The following PIK3C3 variants were observed in gnomAD, a reference collection of about 807,000 sequenced individuals.
PIK3C3 encodes PI3-kinase type 3.
In PIK3C3, 95 loss-of-function variants were observed where a neutral mutation model predicts 126.1. The ratio of observed to expected loss-of-function variants is 0.75; its 90% CI spans 0.64 to 0.89. PIK3C3 has a LOEUF of 0.89. Ranked by LOEUF, PIK3C3 falls within the 40% of genes least tolerant of loss-of-function variation. The pLI, the probability that PIK3C3 is intolerant of heterozygous loss-of-function variation, is 0.00. For missense variants in PIK3C3, 829 were observed against 1,063.2 expected (o/e 0.78, Z 3.06); for synonymous variants, 374 against 360.0 (o/e 1.04, Z -0.44).
At position 42,040,482 on chromosome 18, in the gene PIK3C3, TA is replaced by T. The variant is rs1011072784; in HGVS notation, c.2039-184del. Among the ~76,000 whole-genome samples the T allele has an allele frequency of 1.8e-3, 260 of 147,394 alleles. 1 individual carries two copies. Among genetic ancestry groups the T allele is most frequent in the Middle Eastern group, 3.5e-3 (1 of 282 alleles). Reference sequence around the variant, plus strand: ...ACATACAGACTAAATCAGCTTAATTTAAAAAAAAAAAGTTTTCTTACAGGTC... The same window carrying T: ...ACATACAGACTAAATCAGCTTAATTTAAAAAAAAAAGTTTTCTTACAGGTC... On this transcript the variant is annotated intron_variant, in intron 18 of 24. Transcript: ENST00000262039.
At chr18:42,037,578 T>C in intron 16 of PIK3C3, 114 bp from the exon 17 acceptor site, 2 of 891,684 alleles carry the variant, frequency 2.2e-6, no homozygotes, top group Non-Finnish European at 3.4e-6. Flanking sequence ...ACTTGTTTTT[T>C]AGGTCCTATT....
At chr18:42,076,463 A>G (rs1986038047) in intron 24 of PIK3C3, among the ~76,000 whole-genome samples, 1 of 152,104 alleles carries the variant, frequency 6.6e-6, no homozygotes, top group Non-Finnish European at 1.5e-5. Flanking sequence ...TTAATCCAAG[A>G]TAAATAGGAT....
intron 12 of PIK3C3, among the ~76,000 whole-genome samples, chr18:42,017,760 T>C (rs1983140384): frequency 6.6e-6 from 1 of 152,084 alleles, no homozygotes; most frequent in African/African-American, 2.4e-5. Context: ...ATCTTCTCAA[T>C]ATTTTGTTGC....
At chr18:41,974,773 T>C (rs1245035320) in intron 4 of PIK3C3, among the ~76,000 whole-genome samples, 1 of 152,222 alleles carries the variant, frequency 6.6e-6, no homozygotes, top group Non-Finnish European at 1.5e-5. Context: ...TTTTTCAGCT[T>C]GTCATATTAT....
chr18:41,965,332 C>T (rs1980302234), intron 3 of PIK3C3, among the ~76,000 whole-genome samples: 1 of 152,198 alleles, frequency 6.6e-6, no homozygotes, highest in Non-Finnish European at 1.5e-5. Flanking sequence ...AGAGGATTTT[C>T]TGACTAGGAT....
rs544180869 is a variant in PIK3C3, at chr18:42,077,713, A to G, written c.2650-3410A>G. 8.5e-5 allele frequency among the ~76,000 whole-genome samples: 13 copies of G among 152,250 alleles called. 1 individual carries two copies. The highest frequency in any genetic ancestry group is 8.3e-4 in the South Asian group (4 of 4,824). ...AAGTCATCCATGAAGAATGGAATCAACTTCTTCCGAACTCCTATTAATGTT... is the reference window on the plus strand; with the variant it reads ...AAGTCATCCATGAAGAATGGAATCAGCTTCTTCCGAACTCCTATTAATGTT... On this transcript the variant is annotated intron_variant, in intron 24 of 24. Transcript: ENST00000262039.
rs1264981660 is a variant in PIK3C3, at chr18:42,084,821, ATCAATCT to A, written c.*3685_*3691del. The A allele has an allele frequency of 1.3e-5, 2 of 152,322 alleles. No individual in the cohort carries two copies. The highest frequency in any genetic ancestry group is 6.5e-5 in the Admixed American group (1 of 15,288). The allele number at this position is 152,322 out of a possible 1,614,324, so 9.4% of individuals were successfully genotyped here. ...CCAATCCCCACTCCTGAGCAGCCAA[ATCAATCT>A]GCAGGTGGGCCTTGTGAGTTTTCCC... On this transcript the variant is annotated 3_prime_UTR_variant, in exon 25 of 25. Transcript: ENST00000262039.
chr18:42,061,348 C>T (rs775631570), intron 22 of PIK3C3, among the ~76,000 whole-genome samples: 81 of 152,000 alleles, frequency 5.3e-4, no homozygotes, highest in Non-Finnish European at 9.3e-4. Context: ...CTCGGGAGGT[C>T]GAGGCAGGTA....
intron 4 of PIK3C3, among the ~76,000 whole-genome samples, chr18:41,978,383 A>C (rs1046408605): frequency 6.6e-6 from 1 of 152,202 alleles, no homozygotes; most frequent in African/African-American, 2.4e-5. Context: ...GCGATAATGG[A>C]CCAAGTTAGG....
At chr18:42,048,511 G>C (rs955966160) in intron 20 of PIK3C3, among the ~76,000 whole-genome samples, 2 of 152,160 alleles carry the variant, frequency 1.3e-5, no homozygotes. Flanking sequence ...TCATTTGAAG[G>C]ATGGTTATCT....
chr18:42,077,446 A>G (rs780097582), intron 24 of PIK3C3, among the ~76,000 whole-genome samples: 1 of 152,260 alleles, frequency 6.6e-6, no homozygotes, highest in African/African-American at 2.4e-5. Context: ...AACTAAATTT[A>G]TGGAATATTC....
chr18:42,083,733 A>G lies in PIK3C3; in HGVS notation c.*2596A>G, dbSNP rs562987552. ...AGATAGAATTGTCTCCTCATTTTTT[A>G]GTTGAAATAACTGAAGTTTAAAGCA... is the stretch of plus-strand genomic sequence containing the variant. On this transcript the variant is annotated 3_prime_UTR_variant, in exon 25 of 25. Coordinates refer to ENST00000262039, the MANE Select transcript of PIK3C3 (RefSeq NM_002647.4). The G allele has an allele frequency of 2.6e-5, 4 of 152,262 alleles. No homozygotes were observed. The South Asian group carries it at 8.3e-4, about 32-fold the overall frequency. 9.4% of individuals were successfully genotyped at this position (152,262 alleles called of 1,614,324 possible).
intron 13 of PIK3C3, among the ~76,000 whole-genome samples, chr18:42,022,245 T>C (rs561774584): frequency 6.6e-6 from 1 of 152,328 alleles, no homozygotes; most frequent in African/African-American, 2.4e-5. Context: ...ACCCGGTAAC[T>C]CATCATTAAC....
intron 17 of PIK3C3, among the ~76,000 whole-genome samples, chr18:42,038,557 T>C (rs1984163697): frequency 6.6e-6 from 1 of 152,094 alleles, no homozygotes; most frequent in Non-Finnish European, 1.5e-5. Context: ...TTGACCAGGC[T>C]GATCTTGAAC....
rs562658517 is a variant in PIK3C3, at chr18:42,076,223, CAT to C, written c.2650-4891_2650-4890del. On this transcript the variant is annotated intron_variant, in intron 24 of 24. Transcript: ENST00000262039. The stretch of plus-strand genomic sequence containing the variant: ...ATATATATATGCACATATATATATG[CAT>C]ATATATATTACATATTCATACACAT... Among the ~76,000 whole-genome samples the C allele has an allele frequency of 5.2e-3, 689 of 133,466 alleles. 12 individuals carry two copies. The highest frequency in any genetic ancestry group is 0.018 in the African/African-American group (623 of 34,742). The allele number at this position is 133,466 out of a possible 152,430, so 87.6% of individuals were successfully genotyped here. A position where few individuals can be genotyped will look rare whatever the true frequency, so the allele number is the denominator to read the frequency against.
At chr18:42,061,122 G>A (rs1373656371) in intron 22 of PIK3C3, among the ~76,000 whole-genome samples, 3 of 152,316 alleles carry the variant, frequency 2.0e-5, no homozygotes, top group East Asian at 3.9e-4. Flanking sequence ...TGGCATGAAC[G>A]TGGGTAAGAG....
At chr18:42,025,098 C>T (rs1217391269) in intron 13 of PIK3C3, among the ~76,000 whole-genome samples, 1 of 152,166 alleles carries the variant, frequency 6.6e-6, no homozygotes, top group Non-Finnish European at 1.5e-5. Context: ...AGGCATGAGC[C>T]ACCACGCCCG....
At chr18:42,072,702 T>G (rs1406407265) in intron 24 of PIK3C3, among the ~76,000 whole-genome samples, 1 of 151,908 alleles carries the variant, frequency 6.6e-6, no homozygotes, top group Non-Finnish European at 1.5e-5. Flanking sequence ...CAGCTAATTT[T>G]TAATTTATTT....
chr18:42,029,297 T>G, intron 14 of PIK3C3, 28 bp from the exon 15 acceptor site: 1 of 1,389,242 alleles, frequency 7.2e-7, no homozygotes, highest in East Asian at 2.3e-5. Context: ...AACATAGAAC[T>G]AATTTTTTCT....
Sources: gnomAD v4.1 joint callset for allele counts (sites outside exome capture counted in the v4.1 genomes callset) on GRCh38, gnomAD v4.1.1 for gene constraint, MANE v1.5 for transcripts, NCBI Gene and HGNC (gene_info 2026-07-23, HGNC 2026-07-21) for gene names.